Variants in PDE4D observed in about 807,000 individuals in gnomAD.
PDE4D encodes the protein phosphodiesterase 4D, also known as 3',5'-cyclic-AMP phosphodiesterase 4D.
A neutral mutation model predicts 87.4 loss-of-function variants in PDE4D; 24 were observed. The ratio of observed to expected loss-of-function variants is 0.27; its 90% CI spans 0.20 to 0.39. The LOEUF (loss-of-function observed/expected upper bound fraction) is 0.39, where lower values mean the gene tolerates loss of function less well. Ranked by LOEUF, PDE4D falls within the 10% of genes least tolerant of loss-of-function variation. The probability of loss-of-function intolerance (pLI) is 1.00; values close to 1 mark genes in which losing one functional copy is unlikely to be tolerated. For synonymous variants in PDE4D, 384 were observed against 383.2 expected, an observed-to-expected ratio of 1.00 and a Z score of -0.02; for missense variants, 714 against 1,041.0, an observed-to-expected ratio of 0.69 and a Z score of 4.32.
chr5:59,409,222 AC>A (rs1177657763), intron 1 of PDE4D, among the ~76,000 whole-genome samples: 1 of 152,122 alleles, frequency 6.6e-6, no homozygotes, highest in Non-Finnish European at 1.5e-5. Flanking sequence ...GAAGTAAATA[AC>A]TTGTTTTAAT....
intron 5 of PDE4D, chr5:59,063,376 C>A (rs1441120316): frequency 6.6e-6 from 1 of 152,196 alleles, no homozygotes; most frequent in Non-Finnish European, 1.5e-5. Context: ...AGACAGATTT[C>A]ACTTTTATTG....
At chr5:59,557,480 C>A (rs891480796) in intron 1 of PDE4D, among the ~76,000 whole-genome samples, 1 of 151,080 alleles carries the variant, frequency 6.6e-6, no homozygotes, top group Non-Finnish European at 1.5e-5. Flanking sequence ...AAGCCAGAGA[C>A]ACTGGGCAGG....
chr5:60,438,365 C>A (rs1012629840), intron 1 of PDE4D, among the ~76,000 whole-genome samples: 1 of 152,066 alleles, frequency 6.6e-6, no homozygotes. Context: ...CCATCTAAAC[C>A]CTTACTCTGC....
chr5:59,320,727 T>C (rs1774567663), intron 1 of PDE4D, among the ~76,000 whole-genome samples: 1 of 152,102 alleles, frequency 6.6e-6, no homozygotes, highest in African/African-American at 2.4e-5. Context: ...TTAATAACTC[T>C]AGGCTTTTAA....
chr5:59,725,688 A>G (rs571849409), intron 1 of PDE4D, among the ~76,000 whole-genome samples: 1 of 152,302 alleles, frequency 6.6e-6, no homozygotes, highest in Non-Finnish European at 1.5e-5. Context: ...CTACCATTTC[A>G]GTCTAAAGCA....
intron 1 of PDE4D, among the ~76,000 whole-genome samples, chr5:59,763,221 G>A (rs1048575462): frequency 2.0e-5 from 3 of 151,780 alleles, no homozygotes; most frequent in Non-Finnish European, 4.4e-5. Context: ...TATACCTAAT[G>A]CTAAATGACG....
At chr5:59,026,725 TAA>T (rs534038842) in intron 6 of PDE4D, among the ~76,000 whole-genome samples, 3 of 150,690 alleles carry the variant, frequency 2.0e-5, no homozygotes, top group African/African-American at 2.4e-5. Flanking sequence ...AAGATGGGAT[TAA>T]AAAAAAAGGC....
intron 1 of PDE4D, among the ~76,000 whole-genome samples, chr5:60,452,580 C>A (rs907100110): frequency 6.6e-6 from 1 of 151,938 alleles, no homozygotes; most frequent in Non-Finnish European, 1.5e-5. Context: ...AAATTTGGTA[C>A]AAAAGATATG....
chr5:60,220,473 C>T (rs1321591331), intron 1 of PDE4D, among the ~76,000 whole-genome samples: 2 of 152,112 alleles, frequency 1.3e-5, no homozygotes, highest in Non-Finnish European at 2.9e-5. Context: ...CTACTGATGC[C>T]TGAGTTCTTC....
intron 1 of PDE4D, among the ~76,000 whole-genome samples, chr5:59,455,149 T>G (rs895420746): frequency 6.6e-6 from 1 of 152,170 alleles, no homozygotes; most frequent in East Asian, 1.9e-4. Context: ...GGGGAACCAA[T>G]TGTTAACCCC....
intron 1 of PDE4D, among the ~76,000 whole-genome samples, chr5:59,377,001 T>G (rs1784838027): frequency 6.6e-6 from 1 of 152,192 alleles, no homozygotes; most frequent in South Asian, 2.1e-4. Flanking sequence ...ATTGGACCCC[T>G]TCTTTATACC....
At chr5:60,077,838 T>C (rs913601678) in intron 2 of PDE4D, among the ~76,000 whole-genome samples, 1 of 152,106 alleles carries the variant, frequency 6.6e-6, no homozygotes, top group African/African-American at 2.4e-5. Context: ...ATTCCAGAGA[T>C]CCATGCGAGA....
intron 1 of PDE4D, among the ~76,000 whole-genome samples, chr5:59,536,377 C>T (rs1815237010): frequency 6.6e-6 from 1 of 151,430 alleles, no homozygotes; most frequent in African/African-American, 2.4e-5. Flanking sequence ...TGGTGGCAGG[C>T]ACCTGTAGTC....
intron 5 of PDE4D, among the ~76,000 whole-genome samples, chr5:59,168,718 A>G (rs1782280981): frequency 6.6e-6 from 1 of 152,198 alleles, no homozygotes; most frequent in South Asian, 2.1e-4. Flanking sequence ...GAAAAAAAAG[A>G]AGAGAGATGT....
chr5:60,235,672 G>A (rs1746347074), intron 1 of PDE4D, among the ~76,000 whole-genome samples: 1 of 151,812 alleles, frequency 6.6e-6, no homozygotes. Flanking sequence ...GAAGCCCAGA[G>A]AGGCCAGTAA....
chr5:60,309,056 G>T (rs1754762155), intron 1 of PDE4D, among the ~76,000 whole-genome samples: 1 of 151,804 alleles, frequency 6.6e-6, no homozygotes, highest in Non-Finnish European at 1.5e-5. Context: ...TTTCTGCCTG[G>T]ATACTCACTG....
intron 2 of PDE4D, chr5:60,147,828 G>A (rs1045498583): frequency 2.2e-6 from 1 of 454,184 alleles, no homozygotes; most frequent in Non-Finnish European, 4.4e-6. Context: ...TCTTCCATAG[G>A]CTGCTTGAGT....
At chr5:59,704,703 A>G (rs1753125636) in intron 1 of PDE4D, among the ~76,000 whole-genome samples, 1 of 152,214 alleles carries the variant, frequency 6.6e-6, no homozygotes, top group Admixed American at 6.5e-5. Flanking sequence ...CAGATCAGCA[A>G]TAAACATTTA....
chr5:59,053,645 G>GTTTTTTGTT lies in PDE4D; in HGVS notation c.809-14675_809-14674insAACAAAAAA, dbSNP rs1561396071. Among the ~76,000 whole-genome samples the GTTTTTTGTT allele has an allele frequency of 9.2e-4, 63 of 68,782 alleles. 2 individuals are homozygous for GTTTTTTGTT. The highest frequency in any genetic ancestry group is 8.1e-3 in the East Asian group (13 of 1,610). 45.1% of individuals were successfully genotyped at this position (68,782 alleles called of 152,430 possible). A position where few individuals can be genotyped will look rare whatever the true frequency, so the allele number is the denominator to read the frequency against. On this transcript the variant is annotated intron_variant, in intron 5 of 14. Transcript: ENST00000340635. ...TATGAATTAAGTTGTTTTGTTTTTT[G>GTTTTTTGTT]TTTTTTTTTGTTGTTGTTTTTTTTT...
Sources: allele counts gnomAD v4.1 joint callset (sites outside exome capture counted in the v4.1 genomes callset), GRCh38; gene constraint gnomAD v4.1.1; transcripts MANE v1.5; gene names NCBI Gene and HGNC (gene_info 2026-07-23, HGNC 2026-07-21).